DLG2: variants seen among roughly 807,000 people sequenced by gnomAD.
DLG2 encodes the protein discs large MAGUK scaffold protein 2.
DLG2 carries 45 observed loss-of-function variants against 132.5 expected under a neutral mutation model. The ratio of observed to expected loss-of-function variants is 0.34; its 90% CI spans 0.27 to 0.44. The LOEUF is 0.44. DLG2 is among the 20% of genes least tolerant of loss of function. DLG2 has a pLI of 1.00. For synonymous variants in DLG2, 424 were observed against 419.6 expected (o/e 1.01, Z -0.13); for missense variants, 1,045 against 1,196.9 (o/e 0.87, Z 1.87).
At chr11:84,524,583 A>G (rs1466874444) in intron 7 of DLG2, among the ~76,000 whole-genome samples, 1 of 152,208 alleles carries the variant, frequency 6.6e-6, no homozygotes, top group Admixed American at 6.5e-5. Context: ...CTTCTAATTT[A>G]GCTTCACAAA....
At chr11:83,502,585 G>A (rs1395556348) in intron 21 of DLG2, among the ~76,000 whole-genome samples, 2 of 152,200 alleles carry the variant, frequency 1.3e-5, no homozygotes, top group Admixed American at 6.5e-5. Context: ...CAGGGAGCAT[G>A]TCTTGCCTCA....
intron 16 of DLG2, among the ~76,000 whole-genome samples, chr11:83,862,902 G>C (rs1250589017): frequency 1.3e-5 from 2 of 152,064 alleles, no homozygotes; most frequent in South Asian, 2.1e-4. Flanking sequence ...TCTGTGCTTG[G>C]GAGACTGCCC....
rs545069917 is a variant in DLG2, at chr11:84,826,256, A to G, written c.357+285405T>C. On this transcript the variant is annotated intron_variant, in intron 6 of 27. Coordinates refer to ENST00000376104, the MANE Select transcript of DLG2 (RefSeq NM_001142699.3). ...ATGTACAATTAAATTAGAATTTACT[A>G]TAGTCATTCTTTTGTGCTAGCAAAT... 2.0e-4 allele frequency among the ~76,000 whole-genome samples: 30 copies of G among 152,016 alleles called. No homozygotes were observed. The South Asian group carries it at 3.9e-3, about 20-fold the overall frequency.
chr11:83,849,677 T>A (rs2059293607), intron 16 of DLG2, among the ~76,000 whole-genome samples: 1 of 151,998 alleles, frequency 6.6e-6, no homozygotes, highest in East Asian at 1.9e-4. Context: ...ATTACTTCTC[T>A]CAGCATAGCA....
chr11:84,441,898 T>C (rs2099018276), intron 7 of DLG2, among the ~76,000 whole-genome samples: 1 of 152,200 alleles, frequency 6.6e-6, no homozygotes, highest in South Asian at 2.1e-4. Context: ...TGCTTGTTTT[T>C]GTCAGGTTTG....
At chr11:84,783,627 T>C (rs888965226) in intron 6 of DLG2, among the ~76,000 whole-genome samples, 49 of 152,284 alleles carry the variant, frequency 3.2e-4, no homozygotes, top group African/African-American at 1.1e-3. Context: ...TTAGTAGAGA[T>C]GTTTACATAC....
chr11:84,306,135 GT>G (rs963232445), intron 7 of DLG2, among the ~76,000 whole-genome samples: 1 of 149,272 alleles, frequency 6.7e-6, no homozygotes, highest in African/African-American at 2.4e-5. Context: ...GATTTCACAC[GT>G]TTTTTTCACA....
intron 6 of DLG2, among the ~76,000 whole-genome samples, chr11:84,908,507 A>C (rs1366502482): frequency 2.6e-5 from 4 of 152,058 alleles, no homozygotes; most frequent in African/African-American, 9.7e-5. Flanking sequence ...TCTCTTCCAC[A>C]TGAGGGTTTA....
chr11:84,145,632 C>A (rs2095049995), intron 9 of DLG2, among the ~76,000 whole-genome samples: 1 of 152,028 alleles, frequency 6.6e-6, no homozygotes, highest in African/African-American at 2.4e-5. Flanking sequence ...AAGTGATTCG[C>A]AGAAGAAAAT....
chr11:85,497,938 A>G (rs1184383650), intron 3 of DLG2, among the ~76,000 whole-genome samples: 2 of 152,218 alleles, frequency 1.3e-5, no homozygotes, highest in African/African-American at 4.8e-5. Flanking sequence ...AGCACCAAAC[A>G]TGGATAGGAA....
At chr11:83,480,750 A>G (rs1350274812) in intron 22 of DLG2, 7 of 830,904 alleles carry the variant, frequency 8.4e-6, no homozygotes, top group Admixed American at 2.3e-5. Context: ...GACAATGACT[A>G]GTATGTCTTG....
intron 6 of DLG2, among the ~76,000 whole-genome samples, chr11:84,872,452 G>T (rs994703076): frequency 6.6e-6 from 1 of 152,212 alleles, no homozygotes; most frequent in Admixed American, 6.5e-5. Context: ...AGGATCTTAA[G>T]GGTAGTTTGG....
intron 6 of DLG2, among the ~76,000 whole-genome samples, chr11:84,831,841 G>T (rs772771489): frequency 6.6e-6 from 1 of 151,574 alleles, no homozygotes; most frequent in Non-Finnish European, 1.5e-5. Flanking sequence ...GTGCAGTTTC[G>T]TGGGATGAAC....
chr11:85,171,568 C>T (rs1459541387), intron 4 of DLG2, among the ~76,000 whole-genome samples: 1 of 152,182 alleles, frequency 6.6e-6, no homozygotes, highest in Non-Finnish European at 1.5e-5. Context: ...TCCATCCACG[C>T]ATTACGCTAG....
intron 3 of DLG2, among the ~76,000 whole-genome samples, chr11:85,484,430 G>A (rs983236551): frequency 4.0e-5 from 6 of 151,124 alleles, no homozygotes; most frequent in South Asian, 2.1e-4. Flanking sequence ...CAAAATGGGA[G>A]AAAATATTCG....
In DLG2 at chr11:83,863,398, C is replaced by T. The variant is rs568250744; in HGVS notation, c.1565+11022G>A. Among the ~76,000 whole-genome samples the T allele has an allele frequency of 8.5e-5, 13 of 152,220 alleles. No individual in the cohort carries two copies. In the South Asian group the frequency reaches 2.5e-3, roughly 29 times the overall value. ...CCACTATCTGTTTCTTTACCATGTG[C>T]TGTGTTCTGTCTTCCACATTACTGA... is the stretch of plus-strand genomic sequence containing the variant. On this transcript the variant is annotated intron_variant, in intron 16 of 27. Coordinates refer to ENST00000376104, the MANE Select transcript of DLG2 (RefSeq NM_001142699.3).
intron 6 of DLG2, among the ~76,000 whole-genome samples, chr11:84,747,895 A>C (rs2153831469): frequency 6.6e-6 from 1 of 152,280 alleles, no homozygotes; most frequent in Non-Finnish European, 1.5e-5. Context: ...TCTGCGCCTA[A>C]TAGAAGGAGA....
intron 6 of DLG2, among the ~76,000 whole-genome samples, chr11:84,566,812 T>C (rs906142180): frequency 6.6e-6 from 1 of 152,186 alleles, no homozygotes; most frequent in African/African-American, 2.4e-5. Context: ...GCAGGATAAA[T>C]TTTTTAAAAA....
intron 3 of DLG2, among the ~76,000 whole-genome samples, chr11:85,438,806 T>A (rs756114160): frequency 5.3e-5 from 8 of 152,126 alleles, no homozygotes; most frequent in Non-Finnish European, 1.0e-4. Flanking sequence ...CAAGGACACC[T>A]CTTGTCCTTT....
Sources: gnomAD v4.1 joint callset for allele counts (sites outside exome capture counted in the v4.1 genomes callset) on GRCh38, gnomAD v4.1.1 for gene constraint, MANE v1.5 for transcripts, NCBI Gene and HGNC (gene_info 2026-07-23, HGNC 2026-07-21) for gene names.